The following ME1 variants were observed in gnomAD, a reference collection of about 807,000 sequenced individuals.
ME1 encodes malic enzyme 1.
A neutral mutation model predicts 66.4 loss-of-function variants in ME1; 74 were observed. The ratio of observed to expected loss-of-function variants is 1.11; its 90% CI spans 0.92 to 1.35. ME1 has a LOEUF of 1.35. ME1 is among the 40% of genes most tolerant of loss of function. The pLI, the probability that ME1 is intolerant of heterozygous loss-of-function variation, is 0.00. For synonymous variants in ME1, 251 were observed against 235.6 expected (o/e 1.07, Z -0.60); for missense variants, 750 against 694.1 (o/e 1.08, Z -0.90).
intron 5 of ME1, among the ~76,000 whole-genome samples, chr6:83,319,839 T>C (rs148027637): frequency 2.0e-5 from 3 of 152,356 alleles, no homozygotes; most frequent in Admixed American, 2.0e-4. Flanking sequence ...TAGAGCCATA[T>C]GATTCCTACT....
chr6:83,399,352 T>C (rs1274360152), intron 2 of ME1, among the ~76,000 whole-genome samples: 1 of 152,178 alleles, frequency 6.6e-6, no homozygotes, highest in African/African-American at 2.4e-5. Context: ...ACTAATATCA[T>C]GCAAACATTA....
intron 5 of ME1, among the ~76,000 whole-genome samples, chr6:83,326,891 A>G (rs1022282053): frequency 4.6e-5 from 7 of 152,188 alleles, no homozygotes; most frequent in African/African-American, 1.7e-4. Flanking sequence ...CTGGGTATAT[A>G]CCCAAAGGAT....
At chr6:83,386,802 T>C (rs1486196150) in intron 3 of ME1, among the ~76,000 whole-genome samples, 1 of 150,420 alleles carries the variant, frequency 6.6e-6, no homozygotes, top group Non-Finnish European at 1.5e-5. Flanking sequence ...GTGCCCTTTA[T>C]AAAAGGGACC....
intron 5 of ME1, among the ~76,000 whole-genome samples, chr6:83,317,175 A>T (rs1768052195): frequency 6.6e-6 from 1 of 152,218 alleles, no homozygotes; most frequent in Non-Finnish European, 1.5e-5. Context: ...ACTTGCTGGT[A>T]AAAGATGTGC....
At chr6:83,284,956 C>A (rs1016756012) in intron 6 of ME1, among the ~76,000 whole-genome samples, 9 of 152,130 alleles carry the variant, frequency 5.9e-5, no homozygotes, top group Non-Finnish European at 1.0e-4. Flanking sequence ...ATTTAAAAAT[C>A]CAATCATCTG....
At chr6:83,282,948 G>T (rs895842048) in intron 6 of ME1, among the ~76,000 whole-genome samples, 3 of 151,614 alleles carry the variant, frequency 2.0e-5, no homozygotes, top group African/African-American at 7.3e-5. Flanking sequence ...GATGAGTTCG[G>T]CCGGGCGCGG....
intron 7 of ME1, among the ~76,000 whole-genome samples, chr6:83,243,993 G>T (rs1008607275): frequency 6.7e-6 from 1 of 149,636 alleles, no homozygotes. Context: ...AAAACTTGAG[G>T]CTCATTTTCT....
chr6:83,275,229 G>C (rs978671346), intron 6 of ME1, among the ~76,000 whole-genome samples: 1 of 151,788 alleles, frequency 6.6e-6, no homozygotes, highest in Non-Finnish European at 1.5e-5. Context: ...AGCTACATGG[G>C]AGGCTGAGGC....
intron 3 of ME1, among the ~76,000 whole-genome samples, chr6:83,379,906 C>G (rs1024324064): frequency 6.6e-6 from 1 of 152,018 alleles, no homozygotes; most frequent in African/African-American, 2.4e-5. Flanking sequence ...TAAGAGGGAA[C>G]ATTTTACTTA....
intron 3 of ME1, among the ~76,000 whole-genome samples, chr6:83,363,017 G>A (rs900271303): frequency 2.6e-5 from 4 of 152,078 alleles, no homozygotes; most frequent in African/African-American, 9.7e-5. Context: ...ACTTTGCAGC[G>A]CTGAGGCAAA....
chr6:83,392,088 C>G (rs989138390), intron 3 of ME1, among the ~76,000 whole-genome samples: 1 of 152,212 alleles, frequency 6.6e-6, no homozygotes, highest in East Asian at 1.9e-4. Context: ...TAAAAGCTCT[C>G]AAAAAATAAT....
At chr6:83,306,835 A>G (rs1767832993) in intron 6 of ME1, among the ~76,000 whole-genome samples, 1 of 152,136 alleles carries the variant, frequency 6.6e-6, no homozygotes, top group African/African-American at 2.4e-5. Flanking sequence ...ATATTCTAGT[A>G]AGGAAAATAG....
intron 3 of ME1, among the ~76,000 whole-genome samples, chr6:83,357,925 C>CTA (rs1768924039): frequency 3.4e-5 from 2 of 58,174 alleles, no homozygotes; most frequent in East Asian, 5.7e-4. Context: ...CTCTCTCTCT[C>CTA]TCTCTCTCTC....
rs1348010315 is a variant in ME1, at chr6:83,321,032, C to G, written c.601-5619G>C. Among the ~76,000 whole-genome samples the G allele has an allele frequency of 2.0e-5, 3 of 152,264 alleles. No homozygotes were observed. The Middle Eastern group carries it at 0.01, about 518-fold the overall frequency. ...GGAGAAGCAGGGTGGGGCATCGCTG[C>G]ACCCAGGAAGCGCAGGGGGTTAGGG... On this transcript the variant is annotated intron_variant, in intron 5 of 13. Coordinates refer to ENST00000369705, the MANE Select transcript of ME1 (RefSeq NM_002395.6).
At chr6:83,429,042 T>C (rs1283323627) in intron 1 of ME1, among the ~76,000 whole-genome samples, 1 of 152,050 alleles carries the variant, frequency 6.6e-6, no homozygotes, top group Non-Finnish European at 1.5e-5. Context: ...GGCGGGTGGA[T>C]CACGAAGCCA....
chr6:83,426,606 T>A (rs1419930857), intron 1 of ME1, among the ~76,000 whole-genome samples: 2 of 152,226 alleles, frequency 1.3e-5, no homozygotes, highest in Non-Finnish European at 2.9e-5. Flanking sequence ...TTGCCATGAA[T>A]CTTATTTCTC....
At chr6:83,390,500 C>T (rs1022701616) in intron 3 of ME1, among the ~76,000 whole-genome samples, 13 of 152,110 alleles carry the variant, frequency 8.5e-5, no homozygotes, top group Non-Finnish European at 1.8e-4. Flanking sequence ...TAATTAAATA[C>T]AACACCTAAA....
chr6:83,430,358 T>C (rs1270512302), intron 1 of ME1, among the ~76,000 whole-genome samples: 1 of 152,142 alleles, frequency 6.6e-6, no homozygotes, highest in Non-Finnish European at 1.5e-5. Flanking sequence ...CGAGAGGACT[T>C]GGATTTCCAG....
chr6:83,345,875 A>C (rs577096744), intron 5 of ME1, among the ~76,000 whole-genome samples: 129 of 152,250 alleles, frequency 8.5e-4, no homozygotes, highest in African/African-American at 3.0e-3. Flanking sequence ...ATAAAAAAAT[A>C]ATTTTTAAAA....
Sources: gnomAD v4.1 joint callset for allele counts (sites outside exome capture counted in the v4.1 genomes callset) on GRCh38, gnomAD v4.1.1 for gene constraint, MANE v1.5 for transcripts, NCBI Gene and HGNC (gene_info 2026-07-23, HGNC 2026-07-21) for gene names.